Variants in WDR73 observed in about 807,000 individuals in gnomAD.
The protein encoded by WDR73 is integrator complex assembly factor WDR73.
Under a neutral mutation model 38.2 loss-of-function variants are expected in WDR73, and 30 were observed. That is an observed-to-expected ratio of 0.79 (90% confidence interval 0.59 to 1.06). The LOEUF is 1.06. Ranked by LOEUF, WDR73 falls within the 50% of genes least tolerant of loss-of-function variation. The pLI, the probability that WDR73 is intolerant of heterozygous loss-of-function variation, is 0.00. For synonymous variants in WDR73, 197 were observed against 176.0 expected (o/e 1.12, Z -0.94); for missense variants, 487 against 467.0 (o/e 1.04, Z -0.40).
chr15:84,652,635 C>A, intron 3 of WDR73, 79 bp downstream of exon 3: 1 of 861,722 alleles, frequency 1.2e-6, no homozygotes. Flanking sequence ...AGGACAATAC[C>A]TGGTAGATAA....
At chr15:84,652,898 CCTTGTATGG>C in intron 2 of WDR73, 96 bp from the exon 3 acceptor site, 1 of 690,678 alleles carries the variant, frequency 1.4e-6, no homozygotes, top group Non-Finnish European at 2.4e-6. Context: ...CACTGTGCAG[CCTTGTATGG>C]AGGAATTGAG....
rs1185802364 is a variant in WDR73 at position 84,654,271 on chromosome 15, C to G, written c.4G>C (p.Asp2His). The change falls in exon 1 of 8, where the codon GAT becomes CAT. Residue 2 changes from aspartate (D) to histidine (H), a missense_variant. Transcript: ENST00000434634. ...TCCACCAGCCAGTCGTCCCCAGGAT[C>G]CATGGCAACGACCGCTTCCGGCGTC... M[D>H]PGDDWLVESL... The G allele has an allele frequency of 5.0e-6, 8 of 1,613,848 alleles. No homozygotes were observed. Among genetic ancestry groups the G allele is most frequent in the African/African-American group, 2.7e-5 (2 of 74,948 alleles).
chr15:84,648,470 C>T (rs573223660), intron 4 of WDR73, 67 bp downstream of exon 4: 2 of 1,166,198 alleles, frequency 1.7e-6, no homozygotes, highest in Non-Finnish European at 2.6e-6. Flanking sequence ...AGGCAGAATA[C>T]CCCCAGGCAT....
chr15:84,646,391 G>C, intron 5 of WDR73, 43 bp from the exon 6 acceptor site: 1 of 1,578,018 alleles, frequency 6.3e-7, no homozygotes, highest in Non-Finnish European at 8.6e-7. Flanking sequence ...CTTTAATGAA[G>C]GTTTGAAACA....
intron 7 of WDR73, chr15:84,645,192 T>A: frequency 3.9e-6 from 5 of 1,298,210 alleles, no homozygotes; most frequent in Non-Finnish European, 4.9e-6. Context: ...CCCAGCCCGA[T>A]GTCTGTCCCA....
Position 84,645,648 on chromosome 15 carries a change from CCTGGCCCCAGCT to C in WDR73, c.694_705del (p.Ser232_Gln235del), listed in dbSNP as rs1181914831. On this transcript the variant is annotated inframe_deletion, in exon 7 of 8. Transcript: ENST00000434634. ...AGGCTGGCAATGCTGGGCCCAGGGC[CCTGGCCCCAGCT>C]CCCAACTTCAGCACACCATCTCTCT... is the stretch of plus-strand genomic sequence containing the variant. The C allele has an allele frequency of 6.2e-7, 1 of 1,608,468 alleles. No homozygotes were observed. Among genetic ancestry groups the C allele is most frequent in the South Asian group, 1.1e-5 (1 of 90,302 alleles).
Position 84,643,544 on chromosome 15 carries a change from T to C in WDR73, c.1063A>G (p.Arg355Gly). Residue 355 changes from arginine to glycine, a missense_variant, in exon 8 of 8, where the codon AGG (arginine) becomes GGG (glycine). Physicochemically the swap from Arg to Gly is moderately radical, Grantham distance 125. Transcript: ENST00000434634. ...TTHTWHPCRP[R>G]TLLSATNDAS... ...TCATTTGTTGCTGATAACAAAGTCCTTGGTCTGCAGGGATGCCAGGTGTGG... is the reference window on the plus strand; with the variant it reads ...TCATTTGTTGCTGATAACAAAGTCCCTGGTCTGCAGGGATGCCAGGTGTGG... The C allele has an allele frequency of 1.9e-6, 3 of 1,607,584 alleles. No individual in the cohort carries two copies. Among genetic ancestry groups the C allele is most frequent in the African/African-American group, 1.3e-5 (1 of 75,010 alleles).
intron 7 of WDR73, chr15:84,644,966 T>C (rs1253533136): frequency 3.3e-5 from 5 of 153,064 alleles, no homozygotes; most frequent in African/African-American, 1.2e-4. Context: ...TTTTTTTTTC[T>C]TTTTGAGACA....
chr15:84,646,094 G>C, intron 6 of WDR73, 90 bp downstream of exon 6: 1 of 1,588,430 alleles, frequency 6.3e-7, no homozygotes, highest in Non-Finnish European at 8.6e-7. Flanking sequence ...ACCTGGCACA[G>C]AGAGTTGAAC....
rs950816755 is a variant in WDR73, at chr15:84,642,001, G to C, written c.*1469C>G. On this transcript the variant is annotated 3_prime_UTR_variant, in exon 8 of 8. Transcript: ENST00000434634. Reference sequence around the variant, plus strand: ...CAGACATGAGCCACATGCTTGACCTGAATTTTAACTGCAGTTAATTATCAC... The same window carrying C: ...CAGACATGAGCCACATGCTTGACCTCAATTTTAACTGCAGTTAATTATCAC... 2.0e-5 allele frequency: 3 copies of C among 151,884 alleles called. No homozygotes were observed. Among genetic ancestry groups the C allele is most frequent in the Non-Finnish European group, 2.9e-5 (2 of 67,976 alleles). The allele number at this position is 151,884 out of a possible 1,614,324, so 9.4% of individuals were successfully genotyped here.
intron 7 of WDR73, 31 bp downstream of exon 7, chr15:84,645,440 G>C (rs1896415744): frequency 1.2e-6 from 2 of 1,608,738 alleles, no homozygotes; most frequent in African/African-American, 1.3e-5. Context: ...AAAGAGATCA[G>C]ATAACAAGAC....
intron 7 of WDR73, 200 bp from the exon 8 acceptor site, chr15:84,643,923 A>ATTTGTTCTATGGTACCAAAACAGGC (rs1293501375): frequency 1.2e-5 from 7 of 572,026 alleles, no homozygotes; most frequent in Non-Finnish European, 2.0e-5. Context: ...ACTTTTTATA[A>ATTTGTTCTATGGTACCAAAACAGGC]TTTGTTCTAT....
rs1043752537 is a variant in WDR73 at position 84,653,618 on chromosome 15, G to C, written c.109+14C>G. ...TGAGATTCCCTCTCCTTCAGGGCTA[G>C]AAAGGTATACCACCTTTGTCATCAA... On this transcript the variant is annotated intron_variant, in intron 2 of 7. Coordinates refer to ENST00000434634, the MANE Select transcript of WDR73 (RefSeq NM_032856.5). 8.3e-6 allele frequency: 13 copies of C among 1,572,800 alleles called. No homozygotes were observed. Among genetic ancestry groups the C allele is most frequent in the Non-Finnish European group, 1.1e-5 (13 of 1,155,610 alleles).
chr15:84,648,031 T>A, intron 4 of WDR73, 77 bp from the exon 5 acceptor site: 1 of 1,347,116 alleles, frequency 7.4e-7, no homozygotes, highest in African/African-American at 1.4e-5. Flanking sequence ...CCAGCACACT[T>A]AGCTTGGGAC....
chr15:84,645,294 T>C (rs920424909), intron 7 of WDR73, 177 bp downstream of exon 7: 2 of 1,502,486 alleles, frequency 1.3e-6, no homozygotes, highest in African/African-American at 1.4e-5. Context: ...GGAAGTTTAG[T>C]AGCCAGGGTA....
Position 84,639,846 on chromosome 15 carries a change from GA to G in WDR73, c.*3623del, listed in dbSNP as rs1360882995. The stretch of plus-strand genomic sequence containing the variant: ...CCGGATTATGGCTGAGCAGCTGTGA[GA>G]ACATGGCTTCCTGTGGACCCTGGAG... On this transcript the variant is annotated 3_prime_UTR_variant, in exon 8 of 8. Coordinates refer to ENST00000434634, the MANE Select transcript of WDR73 (RefSeq NM_032856.5). 6.6e-6 allele frequency: 1 copy of G among 152,278 alleles called. No homozygotes were observed. The highest frequency in any genetic ancestry group is 1.5e-5 in the Non-Finnish European group (1 of 68,114). 9.4% of individuals were successfully genotyped at this position (152,278 alleles called of 1,614,324 possible). A position where few individuals can be genotyped will look rare whatever the true frequency, so the allele number is the denominator to read the frequency against.
At chr15:84,653,324 C>T in intron 2 of WDR73, 1 of 315,286 alleles carries the variant, frequency 3.2e-6, no homozygotes, top group South Asian at 3.0e-5. Flanking sequence ...TGTGCACCAC[C>T]TCGTCCGGCT....
At chr15:84,652,030 G>C (rs1240681343) in intron 3 of WDR73, among the ~76,000 whole-genome samples, 4 of 152,106 alleles carry the variant, frequency 2.6e-5, no homozygotes, top group Non-Finnish European at 4.4e-5. Flanking sequence ...ACCATGCCTG[G>C]CTAATTTTTG....
At chr15:84,649,391 G>A (rs1896555897) in intron 3 of WDR73, among the ~76,000 whole-genome samples, 2 of 152,124 alleles carry the variant, frequency 1.3e-5, no homozygotes, top group African/African-American at 4.8e-5. Flanking sequence ...CTGGAGATGG[G>A]GAAGATGAAG....
Sources: allele counts gnomAD v4.1 joint callset (sites outside exome capture counted in the v4.1 genomes callset), GRCh38; gene constraint gnomAD v4.1.1; transcripts MANE v1.5; gene names NCBI Gene and HGNC (gene_info 2026-07-23, HGNC 2026-07-21).